CSF2RA: variants seen among roughly 807,000 people sequenced by gnomAD.
The protein encoded by CSF2RA is colony stimulating factor 2 receptor subunit alpha, also known as granulocyte-macrophage colony-stimulating factor receptor subunit alpha.
In CSF2RA, 42 loss-of-function variants were observed where a neutral mutation model predicts 51.6. The observed-to-expected ratio is 0.81, with a 90% CI of 0.64 to 1.05. The LOEUF (loss-of-function observed/expected upper bound fraction) is 1.05. CSF2RA is among the 50% of genes least tolerant of loss of function. The pLI is 0.00. For missense variants in CSF2RA, 530 were observed against 501.1 expected (o/e 1.06, Z -0.55); for synonymous variants, 222 against 193.0 (o/e 1.15, Z -1.24).
At chrX:1,270,486 GCCC>G (rs1219486844) in intron 1 of CSF2RA, among the ~76,000 whole-genome samples, 1 of 151,916 alleles carries the variant, frequency 6.6e-6, no homozygotes, top group African/African-American at 2.4e-5. Context: ...CTATCTTCCT[GCCC>G]CAGCCTCCCA....
Position 1,305,467 on chromosome X carries a change from G to A in CSF2RA, c.1065G>A (p.Leu355=). ...TCAGGTTCCTTAGGATACAGCGGCTGTTCCCGCCAGTTCCACAGATCAAAG... is the reference window on the plus strand; with the variant it reads ...TCAGGTTCCTTAGGATACAGCGGCTATTCCCGCCAGTTCCACAGATCAAAG... The part of the protein sequence containing the change: ...LFKRFLRIQR[L]FPPVPQIKDK... The change falls in exon 12 of 13, where the codon CTG becomes CTA. Residue 355 remains leucine, a synonymous_variant. Coordinates refer to ENST00000381529, the MANE Select transcript of CSF2RA (RefSeq NM_172245.4). The A allele has an allele frequency of 1.2e-6, 2 of 1,613,948 alleles. No homozygotes were observed. The highest frequency in any genetic ancestry group is 1.3e-5 in the African/African-American group (1 of 75,032).
At chrX:1,283,671 G>A (rs28559731) in intron 3 of CSF2RA, among the ~76,000 whole-genome samples, 37,263 of 151,176 alleles carry the variant, frequency 0.25, 5,106 homozygotes, top group East Asian at 0.52. Flanking sequence ...GGGTTCAAGC[G>A]ATTCTCCTGC....
At chrX:1,315,256 GA>G (rs1426338195), downstream of CSF2RA, among the ~76,000 whole-genome samples, 1 of 151,816 alleles carries the variant, frequency 6.6e-6, no homozygotes, top group East Asian at 1.9e-4. Context: ...AAAAATAGAT[GA>G]TATATATAGA....
intron 3 of CSF2RA, among the ~76,000 whole-genome samples, chrX:1,285,494 G>C (rs1271983538): frequency 2.0e-5 from 3 of 151,618 alleles, no homozygotes; most frequent in African/African-American, 7.3e-5. Context: ...GGCAGTTCGA[G>C]ACCAGCCTGA....
chrX:1,296,102 C>T (rs1215450016), intron 9 of CSF2RA, among the ~76,000 whole-genome samples: 3 of 151,332 alleles, frequency 2.0e-5, no homozygotes, highest in South Asian at 4.2e-4. Context: ...CAATCCCCTA[C>T]TCACCACACC....
At chrX:1,281,241 C>T (rs1429932614) in intron 2 of CSF2RA, among the ~76,000 whole-genome samples, 4 of 136,766 alleles carry the variant, frequency 2.9e-5, no homozygotes, top group African/African-American at 1.1e-4. Context: ...CCTACTCCTC[C>T]TTCTCCTCTT....
intron 7 of CSF2RA, among the ~76,000 whole-genome samples, chrX:1,291,871 A>T (rs1375619421): frequency 6.9e-6 from 1 of 145,786 alleles, no homozygotes; most frequent in African/African-American, 2.5e-5. Context: ...GTAGTCAAAG[A>T]GATGTCCCTA....
intron 11 of CSF2RA, 60 bp downstream of exon 11, chrX:1,304,079 C>G: frequency 2.2e-6 from 3 of 1,370,722 alleles, no homozygotes; most frequent in Non-Finnish European, 3.1e-6. Context: ...GAGGAAAGCG[C>G]TTTGTCCAGT....
chrX:1,290,990 C>G (rs2091342054), intron 7 of CSF2RA, among the ~76,000 whole-genome samples: 1 of 152,066 alleles, frequency 6.6e-6, no homozygotes, highest in Non-Finnish European at 1.5e-5. Context: ...GGTGCAATCT[C>G]AGCTCACTGC....
intron 3 of CSF2RA, among the ~76,000 whole-genome samples, chrX:1,283,065 G>A (rs1392239779): frequency 6.6e-6 from 1 of 152,024 alleles, no homozygotes; most frequent in African/African-American, 2.4e-5. Flanking sequence ...CCAGGATGAG[G>A]ACCCATGTCT....
intron 10 of CSF2RA, 48 bp downstream of exon 10, chrX:1,300,674 C>A: frequency 1.9e-6 from 3 of 1,613,502 alleles, no homozygotes; most frequent in Non-Finnish European, 2.5e-6. Context: ...CTGCGGCCAC[C>A]CTGCAGCAGG....
chrX:1,286,666 A>G (rs1347395674), intron 4 of CSF2RA, among the ~76,000 whole-genome samples: 5 of 152,168 alleles, frequency 3.3e-5, no homozygotes, highest in Non-Finnish European at 4.4e-5. Context: ...TGTCACAGCC[A>G]TAATCTCACG....
the CSF2RA span, among the ~76,000 whole-genome samples, chrX:1,318,904 A>G: frequency 1.4e-4 from 19 of 134,608 alleles, no homozygotes; most frequent in Admixed American, 3.8e-4. Flanking sequence ...GTTACAGAGC[A>G]AGACTCCATC....
At chrX:1,305,622 C>T in intron 12 of CSF2RA, 95 bp downstream of exon 12, 1 of 1,613,718 alleles carries the variant, frequency 6.2e-7, no homozygotes, top group Non-Finnish European at 8.5e-7. Context: ...CTTGCTTCTC[C>T]ACCAGATGGG....
downstream of CSF2RA, among the ~76,000 whole-genome samples, chrX:1,314,490 C>A (rs1386559103): frequency 1.1e-3 from 129 of 113,416 alleles, 5 homozygotes; most frequent in Non-Finnish European, 1.6e-3. Flanking sequence ...CTACCCAACC[C>A]CACTGTGCCT....
rs746165560 is a variant in CSF2RA at position 1,298,927 on chromosome X, A to C, written c.811-1564A>C. On this transcript the variant is annotated intron_variant, in intron 9 of 12. Coordinates refer to ENST00000381529, the MANE Select transcript of CSF2RA (RefSeq NM_172245.4). ...CAGGAGAATACTCTGCCCGACATAC[A>C]GTTGAACCACTCACAACCCTAGCGT... Among the ~76,000 whole-genome samples, 18 of 152,082 alleles carry C rather than the reference A, an allele frequency of 1.2e-4. No homozygotes were observed. The South Asian group carries it at 2.1e-3, about 18-fold the overall frequency.
chrX:1,275,726 T>A (rs1372556894), intron 2 of CSF2RA, among the ~76,000 whole-genome samples: 1 of 150,596 alleles, frequency 6.6e-6, no homozygotes, highest in Non-Finnish European at 1.5e-5. Flanking sequence ...GCCCAGCTAA[T>A]TTTTTGTATT....
At chrX:1,312,834 G>A (rs772113194), downstream of CSF2RA, among the ~76,000 whole-genome samples, 6 of 152,070 alleles carry the variant, frequency 3.9e-5, no homozygotes, top group African/African-American at 9.7e-5. Context: ...GAGATTTGAC[G>A]ATGGAGCAGA....
chrX:1,314,889 A>ACGGCACCTGCCCAATCC (rs2084474784), downstream of CSF2RA, among the ~76,000 whole-genome samples: 3 of 17,438 alleles, frequency 1.7e-4, no homozygotes, highest in African/African-American at 7.0e-4. Flanking sequence ...CTGCCCAACC[A>ACGGCACCTGCCCAATCC]CACTGAACCT....
Sources: gnomAD v4.1 joint callset for allele counts (sites outside exome capture counted in the v4.1 genomes callset) on GRCh38, gnomAD v4.1.1 for gene constraint, MANE v1.5 for transcripts, NCBI Gene and HGNC (gene_info 2026-07-23, HGNC 2026-07-21) for gene names.